CATSPERG: variants seen among roughly 807,000 people sequenced by gnomAD.
CATSPERG encodes catsper channel auxiliary subunit gamma.
In CATSPERG, 115 loss-of-function variants were observed where a neutral mutation model predicts 145.0. That is an observed-to-expected ratio of 0.79 (90% confidence interval 0.68 to 0.93). CATSPERG has a LOEUF of 0.93. Ranked by LOEUF, CATSPERG falls within the 40% of genes least tolerant of loss-of-function variation. The pLI, the probability that CATSPERG is intolerant of heterozygous loss-of-function variation, is 0.00. For missense variants in CATSPERG, 1,296 were observed against 1,490.1 expected (o/e 0.87, Z 2.14); for synonymous variants, 588 against 589.0 (o/e 1.00, Z 0.02).
rs1970250731 is a variant in CATSPERG, at chr19:38,356,742, T to A, written c.1196T>A (p.Val399Asp). ...RQWSVCEQIG[V>D]TTCSIIWSEY... ...TCTGGACTGCCCCTTTCCCTCTCAG[T>A]TACCACCTGCTCCATAATTTGGTCT... The change falls in exon 11 of 29, where the codon GTT becomes GAT. Residue 399 changes from valine (V) to aspartate (D), a missense_variant and splice_region_variant. By Grantham distance (152) the Val-to-Asp change is radical. Transcript: ENST00000409235. 6.2e-7 allele frequency: 1 copy of A among 1,613,980 alleles called. No individual in the cohort carries two copies. The highest frequency in any genetic ancestry group is 1.7e-5 in the Admixed American group (1 of 59,992).
Position 38,370,334 on chromosome 19 carries a change from C to T in CATSPERG, c.3213+76C>T, listed in dbSNP as rs1490220877. On this transcript the variant is annotated intron_variant, in intron 28 of 28. Transcript: ENST00000409235. ...TCCATACCTATGCTTGTTATACCTTCGCTCATTCATTCCTTTATTCACTCA... is the reference window on the plus strand; with the variant it reads ...TCCATACCTATGCTTGTTATACCTTTGCTCATTCATTCCTTTATTCACTCA... 2.2e-5 allele frequency: 32 copies of T among 1,458,476 alleles called. No individual in the cohort carries two copies. In the East Asian group the frequency reaches 5.5e-4, roughly 25 times the overall value. 90.3% of individuals were successfully genotyped at this position (1,458,476 alleles called of 1,614,324 possible).
At chr19:38,336,934 G>A (rs1475891468) in intron 1 of CATSPERG, 2 of 506,390 alleles carry the variant, frequency 3.9e-6, no homozygotes, top group African/African-American at 1.9e-5. Flanking sequence ...CGATACCCAC[G>A]AGGGTCGGGG....
intron 7 of CATSPERG, among the ~76,000 whole-genome samples, chr19:38,348,720 G>A (rs1017673035): frequency 1.9e-4 from 29 of 151,912 alleles, no homozygotes; most frequent in African/African-American, 7.0e-4. Context: ...TGATCCACCC[G>A]CCTCAGCCTC....
rs1192640602 is a variant in CATSPERG at position 38,360,605 on chromosome 19, G to A, written c.1725G>A (p.Glu575=). 3 of 1,614,222 alleles carry A rather than the reference G, an allele frequency of 1.9e-6. No homozygotes were observed. The highest frequency in any genetic ancestry group is 1.1e-5 in the South Asian group (1 of 91,082). The change falls in exon 15 of 29, where the codon GAG becomes GAA. Residue 575 remains glutamate, a synonymous_variant. Transcript: ENST00000409235. ...MQQSSLYASN[E]TMLTLFYEDS... The stretch of plus-strand genomic sequence containing the variant: ...AGTCCTCTCTCTACGCATCCAATGA[G>A]ACCATGCTGACCCTCTTCTACGAAG...
At position 38,370,626 on chromosome 19, in the gene CATSPERG, T is replaced by TA; in HGVS notation, c.3317dup (p.Asn1106LysfsTer43). 1 of 1,614,140 alleles carries TA rather than the reference T, an allele frequency of 6.2e-7. No individual in the cohort carries two copies. The highest frequency in any genetic ancestry group is 1.1e-5 in the South Asian group (1 of 91,074). On this transcript the variant is annotated frameshift_variant, in exon 29 of 29. Coordinates refer to ENST00000409235, the MANE Select transcript of CATSPERG (RefSeq NM_021185.5). LOFTEE classifies it low-confidence loss of function (END_TRUNC). The stretch of plus-strand genomic sequence containing the variant: ...GGCTGCACGATGATCCGGTGGAAGA[T>TA]AAACAACCTCATTGCCTCAGAATCC...
At position 38,362,882 on chromosome 19, in the gene CATSPERG, T is replaced by G. The variant is rs780473796; in HGVS notation, c.2475+50T>G. 1.1e-3 allele frequency: 1,385 copies of G among 1,243,054 alleles called. 2 individuals carry two copies. The highest frequency in any genetic ancestry group is 7.3e-3 in the East Asian group (289 of 39,608). 77.0% of individuals were successfully genotyped at this position (1,243,054 alleles called of 1,614,324 possible). ...TCAAGGGAGGTTTTGTTTTTTTTTT[T>G]TTTTTTTTTTTTTGGAGACAGGGTC... On this transcript the variant is annotated intron_variant, in intron 20 of 28. Transcript: ENST00000409235.
In CATSPERG at chr19:38,356,530, C is replaced by G; in HGVS notation, c.1182C>G (p.Cys394Trp). 6.2e-7 allele frequency: 1 copy of G among 1,613,644 alleles called. No homozygotes were observed. The highest frequency in any genetic ancestry group is 8.5e-7 in the Non-Finnish European group (1 of 1,179,904). The change falls in exon 10 of 29, where the codon TGC becomes TGG. Residue 394 changes from cysteine (C) to tryptophan (W), a missense_variant. Transcript: ENST00000409235. Reference sequence around the variant, plus strand: ...TGCTGCCCAGGCAGTGGTCTGTGTGCGAGCAGATAGGAGGTACTCATTACC... The same window carrying G: ...TGCTGCCCAGGCAGTGGTCTGTGTGGGAGCAGATAGGAGGTACTCATTACC... ...FEMLPRQWSVCEQIGVTTCSI... is the reference protein window; with the variant it reads ...FEMLPRQWSVWEQIGVTTCSI...
rs1172579484 is a variant in CATSPERG, at chr19:38,370,589, C to G, written c.3277C>G (p.Leu1093Val). 14 of 1,614,084 alleles carry G rather than the reference C, an allele frequency of 8.7e-6. No homozygotes were observed. Among genetic ancestry groups the G allele is most frequent in the African/African-American group, 1.3e-5 (1 of 74,920 alleles). ...FYIAFCLLWP[L>V]VVKGCTMIRW... ...CATCGCCTTCTGCCTCCTGTGGCCCCTCGTGGTGAAGGGCTGCACGATGAT... is the reference window on the plus strand; with the variant it reads ...CATCGCCTTCTGCCTCCTGTGGCCCGTCGTGGTGAAGGGCTGCACGATGAT... The change falls in exon 29 of 29, where the codon CTC (leucine) becomes GTC (valine). Residue 1093 changes from leucine (L) to valine (V), a missense_variant. By Grantham distance (32) the Leu-to-Val change is conservative. Coordinates refer to ENST00000409235, the MANE Select transcript of CATSPERG (RefSeq NM_021185.5).
At chr19:38,368,488 C>T (rs1026701577) in intron 26 of CATSPERG, among the ~76,000 whole-genome samples, 1 of 152,216 alleles carries the variant, frequency 6.6e-6, no homozygotes, top group Non-Finnish European at 1.5e-5. Flanking sequence ...TGGGCAGTCA[C>T]TGTCTGGTGT....
At chr19:38,348,734 A>C (rs1487089234) in intron 7 of CATSPERG, among the ~76,000 whole-genome samples, 1 of 152,016 alleles carries the variant, frequency 6.6e-6, no homozygotes, top group Non-Finnish European at 1.5e-5. Flanking sequence ...CAGCCTCCCA[A>C]AGTGCTGGTA....
chr19:38,346,700 C>A, intron 7 of CATSPERG, 95 bp downstream of exon 7: 1 of 1,172,478 alleles, frequency 8.5e-7, no homozygotes, highest in Non-Finnish European at 1.2e-6. Context: ...TCTAGAAGTC[C>A]CCAAAGACAT....
In CATSPERG at chr19:38,345,602, A is replaced by G. The variant is rs564371188; in HGVS notation, c.670-848A>G. 2.7e-5 allele frequency among the ~76,000 whole-genome samples: 4 copies of G among 150,524 alleles called. No homozygotes were observed. The South Asian group carries it at 6.4e-4, about 24-fold the overall frequency. ...TCACCGCAACCTCTGCCTCCCGGGTACAAGCAATTCTCCTACCTCAGCCTC... is the reference window on the plus strand; with the variant it reads ...TCACCGCAACCTCTGCCTCCCGGGTGCAAGCAATTCTCCTACCTCAGCCTC... On this transcript the variant is annotated intron_variant, in intron 6 of 28. Coordinates refer to ENST00000409235, the MANE Select transcript of CATSPERG (RefSeq NM_021185.5).
intron 6 of CATSPERG, 104 bp from the exon 7 acceptor site, chr19:38,346,346 T>A (rs986810493): frequency 9.3e-7 from 1 of 1,072,740 alleles, no homozygotes; most frequent in African/African-American, 1.6e-5. Flanking sequence ...GAAGGACAAA[T>A]CGCGTGGGGC....
chr19:38,360,666 C>G lies in CATSPERG; in HGVS notation c.1767+19C>G. On this transcript the variant is annotated intron_variant, in intron 15 of 28. Transcript: ENST00000409235. ...GTACCAGGTGCCCGGTGGAGCTATG[C>G]GGGGACATCGGGGCACCCCAGGAGG... 1 of 1,614,110 alleles carries G rather than the reference C, an allele frequency of 6.2e-7. No individual in the cohort carries two copies. The highest frequency in any genetic ancestry group is 8.5e-7 in the Non-Finnish European group (1 of 1,179,970).
Position 38,346,480 on chromosome 19 carries a change from G to T in CATSPERG, c.700G>T (p.Gly234Cys), listed in dbSNP as rs1970044267. Residue 234 changes from glycine to cysteine, a missense_variant, in exon 7 of 29, where the codon GGT (glycine) becomes TGT (cysteine). Transcript: ENST00000409235. ...CAACCTGATGCCCCAGTACTTTGTGGGTGTCTCATCGAGGCCCTTGTGGCA... is the reference window on the plus strand; with the variant it reads ...CAACCTGATGCCCCAGTACTTTGTGTGTGTCTCATCGAGGCCCTTGTGGCA... ...LFNLMPQYFV[G>C]VSSRPLWHTV... 6.5e-7 allele frequency: 1 copy of T among 1,549,854 alleles called. No homozygotes were observed. The highest frequency in any genetic ancestry group is 8.7e-7 in the Non-Finnish European group (1 of 1,145,652).
chr19:38,354,583 A>G (rs534820391), intron 8 of CATSPERG, 127 bp from the exon 9 acceptor site: 4 of 1,112,722 alleles, frequency 3.6e-6, no homozygotes, highest in East Asian at 2.5e-5. Flanking sequence ...CCCTGACACC[A>G]CACTGAACGG....
rs1969983981 is a variant in CATSPERG at position 38,344,050 on chromosome 19, A to C, written c.527A>C (p.Lys176Thr). 6.4e-7 allele frequency: 1 copy of C among 1,551,570 alleles called. No individual in the cohort carries two copies. The highest frequency in any genetic ancestry group is 1.2e-5 in the South Asian group (1 of 84,048). ...AGCTGGTACACGCCCATGCCCATCA[A>C]GAAAGGCAGTGTGGTCATGCGTGTG... ...SMSWYTPMPIKKGSVVMRVDI... is the reference protein window; with the variant it reads ...SMSWYTPMPITKGSVVMRVDI... The change falls in exon 5 of 29, where the codon AAG (lysine) becomes ACG (threonine). Residue 176 changes from lysine to threonine, a missense_variant. Physicochemically the swap from Lys to Thr is moderately conservative, Grantham distance 78. Coordinates refer to ENST00000409235, the MANE Select transcript of CATSPERG (RefSeq NM_021185.5).
chr19:38,361,774 G>GCGCT lies in CATSPERG; in HGVS notation c.2010_2013dup (p.Gly672LeufsTer95). 1 of 1,613,218 alleles carries GCGCT rather than the reference G, an allele frequency of 6.2e-7. No individual in the cohort carries two copies. Among genetic ancestry groups the GCGCT allele is most frequent in the Non-Finnish European group, 8.5e-7 (1 of 1,179,672 alleles). On this transcript the variant is annotated frameshift_variant, in exon 17 of 29. Transcript: ENST00000409235. LOFTEE classifies it high-confidence loss of function. Reference sequence around the variant, plus strand: ...GGGCGCGGCCGCCGCGCGTCCTGGAGCGCTCGGGCTTCCACAACGAGAACT... The same window carrying GCGCT: ...GGGCGCGGCCGCCGCGCGTCCTGGAGCGCTCGCTCGGGCTTCCACAACGAGAACT...
At chr19:38,363,469 T>C (rs888700663) in intron 20 of CATSPERG, among the ~76,000 whole-genome samples, 2 of 151,314 alleles carry the variant, frequency 1.3e-5, no homozygotes, top group African/African-American at 4.9e-5. Flanking sequence ...CACCCTGTGC[T>C]TGGCCCCGTT....
Sources: allele counts gnomAD v4.1 joint callset (sites outside exome capture counted in the v4.1 genomes callset), GRCh38; gene constraint gnomAD v4.1.1; transcripts MANE v1.5; gene names NCBI Gene and HGNC (gene_info 2026-07-23, HGNC 2026-07-21).